SRPK3: variants seen among roughly 807,000 people sequenced by gnomAD.
The protein encoded by SRPK3 is SFRS protein kinase 3.
A neutral mutation model predicts 45.3 loss-of-function variants in SRPK3; 26 were observed. The ratio of observed to expected loss-of-function variants is 0.57; its 90% CI spans 0.42 to 0.80. SRPK3 has a LOEUF of 0.80. Among genes scored for constraint, SRPK3 ranks in the 30% least tolerant of loss-of-function variants. The probability of loss-of-function intolerance (pLI) is 0.00; values close to 1 mark genes in which losing one functional copy is unlikely to be tolerated. For missense variants in SRPK3, 536 were observed against 514.5 expected, an observed-to-expected ratio of 1.04 and a Z score of -0.40; for synonymous variants, 254 against 226.6, an observed-to-expected ratio of 1.12 and a Z score of -1.09.
rs1479804743 is a variant in SRPK3, at chrX:153,784,191, C to T, written c.1125C>T (p.Thr375=). The T allele has an allele frequency of 2.5e-6, 3 of 1,210,817 alleles. No homozygotes were observed. The highest frequency in any genetic ancestry group is 1.8e-5 in the South Asian group (1 of 56,964). Residue 375 remains threonine, a synonymous_variant, in exon 10 of 15, where the codon ACC becomes ACT. Coordinates refer to ENST00000370101, the MANE Select transcript of SRPK3 (RefSeq NM_014370.4). The stretch of plus-strand genomic sequence containing the variant: ...CCGGCTCGTCCAATCAGCGAGAGAC[C>T]GGGGGCCTCCTGTCGCCTAGCAGTA... ...ILSGSSNQRE[T]GGLLSPSTPF...
chrX:153,783,202 AC>A (rs782088949), intron 7 of SRPK3, 23 bp from the exon 8 acceptor site: 24 of 968,715 alleles, frequency 2.5e-5, no homozygotes, highest in Non-Finnish European at 3.3e-5. Flanking sequence ...GTCCCCCCCC[AC>A]CGCTCCCCAC....
At chrX:153,785,035 C>A (rs112997624) in intron 13 of SRPK3, 32 bp downstream of exon 13, 2 of 1,210,710 alleles carry the variant, frequency 1.7e-6, no homozygotes, top group Admixed American at 2.2e-5. Context: ...CTCAGCCTCC[C>A]GGCCTCCCGG....
rs781859220 is a variant in SRPK3, at chrX:153,783,826, G to A, written c.849G>A (p.Glu283=). Residue 283 remains glutamate (E), a synonymous_variant, in exon 9 of 15, where the codon GAG becomes GAA. Coordinates refer to ENST00000370101, the MANE Select transcript of SRPK3 (RefSeq NM_014370.4). ...GGAAACAGCAGAAGCGGCTGCTGGA[G>A]GAGCGGCTGCGGGACCTGCAGAGGC... ...RKRKQQKRLL[E]ERLRDLQRLE... is the part of the protein sequence containing the mutation. The A allele has an allele frequency of 8.3e-7, 1 of 1,203,045 alleles. No individual in the cohort carries two copies. Among genetic ancestry groups the A allele is most frequent in the Non-Finnish European group, 1.1e-6 (1 of 891,472 alleles).
intron 13 of SRPK3, 30 bp downstream of exon 13, chrX:153,785,033 C>G: frequency 2.5e-6 from 3 of 1,210,595 alleles, no homozygotes; most frequent in African/African-American, 1.7e-5. Flanking sequence ...GGCTCAGCCT[C>G]CCGGCCTCCC....
Position 153,781,100 on chromosome X carries a change from CG to C in SRPK3, c.17del (p.Gly6AlafsTer29). 1 of 1,111,051 alleles carries C rather than the reference CG, an allele frequency of 9.0e-7. No individual in the cohort carries two copies. The highest frequency in any genetic ancestry group is 1.2e-6 in the Non-Finnish European group (1 of 848,632). The allele number at this position is 1,111,051 out of a possible 1,213,427, so 91.6% of individuals were successfully genotyped here. Reference sequence around the variant, plus strand: ...TGCGTGGCCGGGATGAGCGCCAGCACGGGCGGTGGTGGGGACAGCGGCGGCA... The same window carrying C: ...TGCGTGGCCGGGATGAGCGCCAGCACGGCGGTGGTGGGGACAGCGGCGGCA... MSAS[T>X]GGGGDSGGSG... On this transcript the variant is annotated frameshift_variant, in exon 1 of 15. Transcript: ENST00000370101. LOFTEE classifies it high-confidence loss of function.
chrX:153,782,102 C>T lies in SRPK3; in HGVS notation c.388-19C>T, dbSNP rs782587890. On this transcript the variant is annotated intron_variant, in intron 4 of 14. Coordinates refer to ENST00000370101, the MANE Select transcript of SRPK3 (RefSeq NM_014370.4). Reference sequence around the variant, plus strand: ...AGGGCAGGGTGGAACCATCTGTGGCCCCTTGGCTTTTGCTCCAGGTCCGGG... The same window carrying T: ...AGGGCAGGGTGGAACCATCTGTGGCTCCTTGGCTTTTGCTCCAGGTCCGGG... 2.2e-5 allele frequency: 26 copies of T among 1,197,761 alleles called. No individual in the cohort carries two copies. The highest frequency in any genetic ancestry group is 2.9e-5 in the Non-Finnish European group (26 of 884,046).
Position 153,784,410 on chromosome X carries a change from G to C in SRPK3, c.1248+16G>C. 1 of 1,201,077 alleles carries C rather than the reference G, an allele frequency of 8.3e-7. No individual in the cohort carries two copies. Among genetic ancestry groups the C allele is most frequent in the Non-Finnish European group, 1.1e-6 (1 of 888,102 alleles). The stretch of plus-strand genomic sequence containing the variant: ...CTGCTGGGTGGTATGAGCAAGTGTG[G>C]GAGAGCAGAGTGGGGGGCCCTGCTC... On this transcript the variant is annotated intron_variant, in intron 11 of 14. Coordinates refer to ENST00000370101, the MANE Select transcript of SRPK3 (RefSeq NM_014370.4).
At chrX:153,781,888 T>C in intron 4 of SRPK3, 58 bp downstream of exon 4, 28 of 1,165,692 alleles carry the variant, frequency 2.4e-5, no homozygotes, top group Non-Finnish European at 3.3e-5. Flanking sequence ...GGCCTGGCAA[T>C]GCGGGTGCAA....
rs200203055 is a variant in SRPK3 at position 153,785,551 on chromosome X, G to T, written c.*31G>T. The T allele has an allele frequency of 2.5e-6, 3 of 1,189,176 alleles. No individual in the cohort carries two copies. Among genetic ancestry groups the T allele is most frequent in the Non-Finnish European group, 3.4e-6 (3 of 880,200 alleles). On this transcript the variant is annotated 3_prime_UTR_variant, in exon 15 of 15. Transcript: ENST00000370101. ...GCTGTGGCTCCACCTCCAGCTCTCC[G>T]TGCCTTAAGGGAAAAGCGGGACAGC... is the stretch of plus-strand genomic sequence containing the variant.
chrX:153,783,203 C>T, intron 7 of SRPK3, 23 bp from the exon 8 acceptor site: 1 of 1,076,819 alleles, frequency 9.3e-7, no homozygotes, highest in Non-Finnish European at 1.2e-6. Context: ...TCCCCCCCCA[C>T]CGCTCCCCAC....
At chrX:153,785,307 G>C in intron 14 of SRPK3, 29 bp from the exon 15 acceptor site, 1 of 1,198,510 alleles carries the variant, frequency 8.3e-7, no homozygotes, top group Admixed American at 2.2e-5. Context: ...GACAGGGACA[G>C]AGCCTGACGC....
chrX:153,785,314 A>G, intron 14 of SRPK3, 22 bp from the exon 15 acceptor site: 2 of 1,199,120 alleles, frequency 1.7e-6, no homozygotes. Flanking sequence ...ACAGAGCCTG[A>G]CGCCCGCTGG....
Position 153,785,152 on chromosome X carries a change from C to T in SRPK3, c.1498C>T (p.Arg500Trp), listed in dbSNP as rs2092078910. The T allele has an allele frequency of 8.4e-6, 10 of 1,197,339 alleles. No individual in the cohort carries two copies. Among genetic ancestry groups the T allele is most frequent in the South Asian group, 1.8e-5 (1 of 56,466 alleles). ...CTTCGCCCTCTCAGGCCGCTATTCC[C>T]GGGAGTTCTTCAACCGGAGAGGTGA... Reference protein sequence around the residue: ...PAFALSGRYSREFFNRRGELR... With the variant: ...PAFALSGRYSWEFFNRRGELR... The change falls in exon 14 of 15, where the codon CGG (arginine) becomes TGG (tryptophan). Residue 500 changes from arginine to tryptophan, a missense_variant. Transcript: ENST00000370101.
intron 7 of SRPK3, 25 bp from the exon 8 acceptor site, chrX:153,783,201 C>G (rs781895348): frequency 3.3e-5 from 30 of 914,579 alleles, no homozygotes; most frequent in Middle Eastern, 3.6e-4. Flanking sequence ...TGTCCCCCCC[C>G]ACCGCTCCCC....
At chrX:153,782,342 G>T in intron 5 of SRPK3, 134 bp downstream of exon 5, 1 of 523,134 alleles carries the variant, frequency 1.9e-6, no homozygotes, top group Non-Finnish European at 3.3e-6. Context: ...CCTCTGGCAC[G>T]ACCCCGCCCC....
At position 153,781,317 on chromosome X, in the gene SRPK3, A is replaced by G; in HGVS notation, c.161A>G (p.Glu54Gly). 1 of 1,204,114 alleles carries G rather than the reference A, an allele frequency of 8.3e-7. No individual in the cohort carries two copies. Among genetic ancestry groups the G allele is most frequent in the Non-Finnish European group, 1.1e-6 (1 of 891,721 alleles). The change falls in exon 2 of 15, where the codon GAA becomes GGA. Residue 54 changes from glutamate (E) to glycine (G), a missense_variant. Physicochemically the swap from Glu to Gly is moderately conservative, Grantham distance 98 (BLOSUM62 -2). Transcript: ENST00000370101. The stretch of plus-strand genomic sequence containing the variant: ...GGCCTTCTGGGCTCCGACGACGAGG[A>G]ACAGGAAGACCCCAAAGACTACTGC... ...LQGLLGSDDE[E>G]QEDPKDYCKG... is the part of the protein sequence containing the mutation.
rs782031718 is a variant in SRPK3 at position 153,781,332 on chromosome X, A to G, written c.176A>G (p.Lys59Arg). ...GACGACGAGGAACAGGAAGACCCCA[A>G]AGACTACTGCAAGGGTGAGACTTGG... is the stretch of plus-strand genomic sequence containing the variant. The part of the protein sequence containing the change: ...GSDDEEQEDP[K>R]DYCKGGYHPV... Residue 59 changes from lysine (K) to arginine (R), a missense_variant, in exon 2 of 15, where the codon AAA becomes AGA. By Grantham distance (26) the Lys-to-Arg change is conservative (BLOSUM62 2). Coordinates refer to ENST00000370101, the MANE Select transcript of SRPK3 (RefSeq NM_014370.4). The G allele has an allele frequency of 8.3e-7, 1 of 1,199,617 alleles. No homozygotes were observed. The highest frequency in any genetic ancestry group is 3.0e-5 in the East Asian group (1 of 33,652).
At position 153,781,755 on chromosome X, in the gene SRPK3, T is replaced by C; in HGVS notation, c.312T>C (p.Phe104=). ...CTCGGTATTGCAGGCGCAAGCGCTT[T>C]GTGGCCCTCAAAGTGGTGAAGAGTG... The part of the protein sequence containing the change: ...WLCWDIQRKR[F]VALKVVKSAG... The change falls in exon 4 of 15, where the codon TTT becomes TTC. Residue 104 remains phenylalanine (F), a synonymous_variant. Coordinates refer to ENST00000370101, the MANE Select transcript of SRPK3 (RefSeq NM_014370.4). The C allele has an allele frequency of 8.3e-7, 1 of 1,211,669 alleles. No homozygotes were observed. The highest frequency in any genetic ancestry group is 1.1e-6 in the Non-Finnish European group (1 of 895,532).
At position 153,785,190 on chromosome X, in the gene SRPK3, C is replaced by T. The variant is rs781797184; in HGVS notation, c.1519+17C>T. On this transcript the variant is annotated intron_variant, in intron 14 of 14. Transcript: ENST00000370101. ...ACCGGAGAGGTGAGGGCCCGGGCAG[C>T]CTCAGGCCATGTGGCTGCAGGGAGG... is the stretch of plus-strand genomic sequence containing the variant. 1.7e-6 allele frequency: 2 copies of T among 1,201,706 alleles called. No individual in the cohort carries two copies. The highest frequency in any genetic ancestry group is 2.2e-6 in the Non-Finnish European group (2 of 890,025).
Sources: allele counts gnomAD v4.1 joint callset, GRCh38; gene constraint gnomAD v4.1.1; transcripts MANE v1.5; gene names NCBI Gene and HGNC (gene_info 2026-07-23, HGNC 2026-07-21).